The following NDUFV1 variants were observed in gnomAD, a reference collection of about 807,000 sequenced individuals.
NDUFV1 encodes the protein NADH:ubiquinone oxidoreductase core subunit V1.
Under a neutral mutation model 48.7 loss-of-function variants are expected in NDUFV1, and 41 were observed. That is an observed-to-expected ratio of 0.84 (90% confidence interval 0.66 to 1.09). The LOEUF (loss-of-function observed/expected upper bound fraction) is 1.09. Ranked by LOEUF, NDUFV1 falls within the 50% of genes least tolerant of loss-of-function variation. The pLI, the probability that NDUFV1 is intolerant of heterozygous loss-of-function variation, is 0.00. For missense variants in NDUFV1, 580 were observed against 645.4 expected, an observed-to-expected ratio of 0.90 and a Z score of 1.10; for synonymous variants, 231 against 259.1, an observed-to-expected ratio of 0.89 and a Z score of 1.04.
chr11:67,609,000 C>T (rs74344930), intron 3 of NDUFV1, among the ~76,000 whole-genome samples: 1 of 152,110 alleles, frequency 6.6e-6, no homozygotes, highest in Non-Finnish European at 1.5e-5. Context: ...CCTTTGTGAA[C>T]CTTAGCTTCC....
Position 67,612,337 on chromosome 11 carries a change from G to T in NDUFV1, c.1309-35G>T. On this transcript the variant is annotated intron_variant, in intron 9 of 9. Transcript: ENST00000322776. This position sits in a 1 kb window ranked among gnomAD's most constrained non-coding sequence, Gnocchi z 4.4. ...GGCCCAGGGTGTTGGGGGATTTTTG[G>T]ACTCTGTTTCACATGGTCCCCCCAC... The T allele has an allele frequency of 1.2e-6, 2 of 1,613,852 alleles. No homozygotes were observed. The highest frequency in any genetic ancestry group is 1.7e-6 in the Non-Finnish European group (2 of 1,179,904).
intron 4 of NDUFV1, chr11:67,609,994 C>G (rs892088188): frequency 2.8e-6 from 1 of 351,732 alleles, no homozygotes; most frequent in Non-Finnish European, 5.2e-6. Flanking sequence ...TTGCTTGGAA[C>G]TATGAATAAT....
In NDUFV1 at chr11:67,611,987, C is replaced by T. The variant is rs768808181; in HGVS notation, c.1162+9C>T. 4.8e-5 allele frequency: 77 copies of T among 1,613,740 alleles called. 1 individual carries two copies. The highest frequency in any genetic ancestry group is 8.9e-5 in the East Asian group (4 of 44,856). On this transcript the variant is annotated intron_variant, in intron 8 of 9. Transcript: ENST00000322776. This position sits in a 1 kb window ranked among gnomAD's most constrained non-coding sequence, Gnocchi z 4.2. ...TACCCCATGCCGTGAGGGTGAGCAT[C>T]GGGCAGGTTGGGGGCTTGCTTGCTG...
chr11:67,611,699 G>C lies in NDUFV1; in HGVS notation c.1080+130G>C. 1.4e-6 allele frequency: 2 copies of C among 1,443,544 alleles called. No individual in the cohort carries two copies. Among genetic ancestry groups the C allele is most frequent in the Non-Finnish European group, 1.9e-6 (2 of 1,057,786 alleles). 89.4% of individuals were successfully genotyped at this position (1,443,544 alleles called of 1,614,324 possible). On this transcript the variant is annotated intron_variant, in intron 7 of 9. Transcript: ENST00000322776. The surrounding 1 kb of genome is among the most constrained non-coding windows in gnomAD (Gnocchi z 4.2). ...CAGCCTGAGATAAAGCAAGGTGGAAGAGGAGGGAGGAAGGCTGCTCTGAGG... is the reference window on the plus strand; with the variant it reads ...CAGCCTGAGATAAAGCAAGGTGGAACAGGAGGGAGGAAGGCTGCTCTGAGG...
At position 67,610,310 on chromosome 11, in the gene NDUFV1, ATGACTCCTGAAGTTATAGGC is replaced by A. The variant is rs1249678279; in HGVS notation, c.511-61_511-42del. The A allele has an allele frequency of 1.1e-5, 18 of 1,583,052 alleles. No homozygotes were observed. In the Admixed American group the frequency reaches 2.8e-4, roughly 25 times the overall value. ...ACCGTGGGAGGCCTTCAAGGGCTTC[ATGACTCCTGAAGTTATAGGC>A]TGACTCCTGGGCTGGGGGTGGGCTG... On this transcript the variant is annotated intron_variant, in intron 4 of 9. Transcript: ENST00000322776.
rs774192636 is a variant in NDUFV1 at position 67,611,149 on chromosome 11, T to G, written c.855T>G (p.Pro285=). 3 of 1,614,038 alleles carry G rather than the reference T, an allele frequency of 1.9e-6. No homozygotes were observed. Among genetic ancestry groups the G allele is most frequent in the Admixed American group, 1.7e-5 (1 of 60,004 alleles). The stretch of plus-strand genomic sequence containing the variant: ...ACATCTCTGGCCATGTCAACCACCC[T>G]TGCACTGTGGAGGAGGAGATGTCTG... The part of the protein sequence containing the change: ...LFNISGHVNH[P]CTVEEEMSVP... Residue 285 remains proline (P), a synonymous_variant, in exon 6 of 10, where the codon CCT becomes CCG. Transcript: ENST00000322776. The surrounding 1 kb of genome is among the most constrained non-coding windows in gnomAD (Gnocchi z 4.2).
chr11:67,612,401 C>T lies in NDUFV1; in HGVS notation c.1338C>T (p.Leu446=), dbSNP rs745506829. Residue 446 remains leucine, a synonymous_variant, in exon 10 of 10, where the codon CTC becomes CTT. Transcript: ENST00000322776. The surrounding 1 kb of genome is among the most constrained non-coding windows in gnomAD (Gnocchi z 4.4). The part of the protein sequence containing the change: ...QGLIRHFRPE[L]EERMQRFAQQ... Reference sequence around the variant, plus strand: ...TGATCCGCCACTTTCGGCCGGAGCTCGAGGAGCGGATGCAGCGGTTTGCCC... The same window carrying T: ...TGATCCGCCACTTTCGGCCGGAGCTTGAGGAGCGGATGCAGCGGTTTGCCC... The T allele has an allele frequency of 1.3e-5, 21 of 1,612,796 alleles. No individual in the cohort carries two copies. The highest frequency in any genetic ancestry group is 3.3e-5 in the Admixed American group (2 of 60,012).
In NDUFV1 at chr11:67,611,359, A is replaced by T; in HGVS notation, c.914-44A>T. 1.9e-6 allele frequency: 3 copies of T among 1,609,038 alleles called. No individual in the cohort carries two copies. Among genetic ancestry groups the T allele is most frequent in the Non-Finnish European group, 2.5e-6 (3 of 1,177,800 alleles). ...AGGACTAGGCAGGTGTGCCGGCCCCAGCCCTGACCATGCATCCCTTTGGGG... is the reference window on the plus strand; with the variant it reads ...AGGACTAGGCAGGTGTGCCGGCCCCTGCCCTGACCATGCATCCCTTTGGGG... On this transcript the variant is annotated intron_variant, in intron 6 of 9. Transcript: ENST00000322776. This position sits in a 1 kb window ranked among gnomAD's most constrained non-coding sequence, Gnocchi z 4.2.
At chr11:67,610,128 G>T in intron 4 of NDUFV1, 1 of 556,330 alleles carries the variant, frequency 1.8e-6, no homozygotes, top group Non-Finnish European at 3.2e-6. Flanking sequence ...GGGTAGTTAG[G>T]AGACCTGATA....
Position 67,610,553 on chromosome 11 carries a change from C to A in NDUFV1, c.683C>A (p.Pro228His), listed in dbSNP as rs1036709921. The A allele has an allele frequency of 6.2e-7, 1 of 1,614,042 alleles. No individual in the cohort carries two copies. The change falls in exon 5 of 10, where the codon CCC becomes CAC. Residue 228 changes from proline (P) to histidine (H), a missense_variant. Coordinates refer to ENST00000322776, the MANE Select transcript of NDUFV1 (RefSeq NM_007103.4). ...CAGGGCAAGCCCCGCCTGAAGCCCCCCTTCCCCGCAGACGTGGGTAAGGCC... is the reference window on the plus strand; with the variant it reads ...CAGGGCAAGCCCCGCCTGAAGCCCCACTTCCCCGCAGACGTGGGTAAGGCC... ...GKQGKPRLKP[P>H]FPADVGVFGC...
In NDUFV1 at chr11:67,611,618, T is replaced by C; in HGVS notation, c.1080+49T>C. 1.3e-6 allele frequency: 2 copies of C among 1,577,810 alleles called. No individual in the cohort carries two copies. The highest frequency in any genetic ancestry group is 1.7e-6 in the Non-Finnish European group (2 of 1,161,798). On this transcript the variant is annotated intron_variant, in intron 7 of 9. Transcript: ENST00000322776. This position sits in a 1 kb window ranked among gnomAD's most constrained non-coding sequence, Gnocchi z 4.2. ...GGTCCCTGCCCTCCTGGTTGCTGTC[T>C]CCCTCCCTGGGCCTCCCAGAAAACC...
rs771200094 is a variant in NDUFV1 at position 67,611,899 on chromosome 11, G to A, written c.1083G>A (p.Thr361=). 9.3e-6 allele frequency: 15 copies of A among 1,614,028 alleles called. No homozygotes were observed. Among genetic ancestry groups the A allele is most frequent in the South Asian group, 6.6e-5 (6 of 91,070 alleles). ...GCTAATTGCCCCTCGTCACCCAGAC[G>A]GACATCGTGAAAGCCATCGCCCGCC... ...TAAVIVMDRS[T]DIVKAIARLI... The change falls in exon 8 of 10, where the codon ACG becomes ACA. Residue 361 remains threonine (T), a splice_region_variant and synonymous_variant. Transcript: ENST00000322776. The surrounding 1 kb of genome is among the most constrained non-coding windows in gnomAD (Gnocchi z 4.2).
chr11:67,612,347 C>T lies in NDUFV1; in HGVS notation c.1309-25C>T. The T allele has an allele frequency of 6.2e-7, 1 of 1,613,784 alleles. No individual in the cohort carries two copies. The highest frequency in any genetic ancestry group is 1.3e-5 in the African/African-American group (1 of 75,050). On this transcript the variant is annotated intron_variant, in intron 9 of 9. Coordinates refer to ENST00000322776, the MANE Select transcript of NDUFV1 (RefSeq NM_007103.4). The surrounding 1 kb of genome is among the most constrained non-coding windows in gnomAD (Gnocchi z 4.4). ...GTTGGGGGATTTTTGGACTCTGTTT[C>T]ACATGGTCCCCCCACCGACCCCAGG...
In NDUFV1 at chr11:67,609,639, G is replaced by T; in HGVS notation, c.510+4G>T. 1 of 1,602,214 alleles carries T rather than the reference G, an allele frequency of 6.2e-7. No individual in the cohort carries two copies. Among genetic ancestry groups the T allele is most frequent in the South Asian group, 1.1e-5 (1 of 91,078 alleles). ...CAATGAGGCCTCCAATCTGCAGGTG[G>T]GTAGGGAGAGATGTAGACAGATGAG... On this transcript the variant is annotated splice_donor_region_variant and intron_variant, in intron 4 of 9. Coordinates refer to ENST00000322776, the MANE Select transcript of NDUFV1 (RefSeq NM_007103.4).
intron 4 of NDUFV1, 129 bp from the exon 5 acceptor site, chr11:67,610,252 A>G (rs1299184409): frequency 3.6e-6 from 4 of 1,113,474 alleles, no homozygotes; most frequent in South Asian, 2.6e-5. Context: ...CTAAGCTAGC[A>G]AAATTTTTTA....
chr11:67,607,060 G>C lies in NDUFV1; in HGVS notation c.56G>C (p.Arg19Pro), dbSNP rs1064797158. 1.2e-6 allele frequency: 2 copies of C among 1,608,096 alleles called. No individual in the cohort carries two copies. Among genetic ancestry groups the C allele is most frequent in the Middle Eastern group, 1.7e-4 (1 of 6,042 alleles). The change falls in exon 1 of 10, where the codon CGT (arginine) becomes CCT (proline). Residue 19 changes from arginine to proline, a missense_variant. By Grantham distance (103) the Arg-to-Pro change is moderately radical. Transcript: ENST00000322776. ...GWSLPARVSV[R>P]FSGDTTAPKK... ...TCGCTTCCCGCGCGGGTATCTGTGC[G>C]TTTCAGCGGCGACACGGTGAGGCCC...
chr11:67,606,989 C>T lies in NDUFV1; in HGVS notation c.-16C>T, dbSNP rs1484181294. On this transcript the variant is annotated 5_prime_UTR_variant, in exon 1 of 10. Transcript: ENST00000322776. ...ATGAAGGTGACAGCGTGAGGTGACC[C>T]ATCTGGCCCGCCGCGATGCTGGCAA... 3.1e-6 allele frequency: 5 copies of T among 1,608,096 alleles called. No homozygotes were observed. The highest frequency in any genetic ancestry group is 1.1e-5 in the South Asian group (1 of 90,026).
chr11:67,611,412 C>A lies in NDUFV1; in HGVS notation c.923C>A (p.Thr308Lys), dbSNP rs200925993. 4 of 1,613,608 alleles carry A rather than the reference C, an allele frequency of 2.5e-6. No individual in the cohort carries two copies. In the African/African-American group the frequency reaches 5.3e-5, roughly 22 times the overall value. Residue 308 changes from threonine to lysine, a missense_variant, in exon 7 of 10, where the codon ACG becomes AAG. Thr to Lys is a moderately conservative substitution (Grantham distance 78). Transcript: ENST00000322776. The surrounding 1 kb of genome is among the most constrained non-coding windows in gnomAD (Gnocchi z 4.2). The part of the protein sequence containing the change: ...ELIEKHAGGV[T>K]GGWDNLLAVI... ...CGACTTGGGGCCCCAGGGGGTGTCACGGGCGGCTGGGACAACCTCCTTGCT... is the reference window on the plus strand; with the variant it reads ...CGACTTGGGGCCCCAGGGGGTGTCAAGGGCGGCTGGGACAACCTCCTTGCT...
At chr11:67,609,347 C>T in intron 3 of NDUFV1, 105 bp from the exon 4 acceptor site, 2 of 1,208,148 alleles carry the variant, frequency 1.7e-6, no homozygotes, top group Non-Finnish European at 1.2e-6. Context: ...GATTGGCTGT[C>T]AGAGGAGACA....
Sources: allele counts gnomAD v4.1 joint callset (sites outside exome capture counted in the v4.1 genomes callset), GRCh38; gene constraint gnomAD v4.1.1; non-coding constraint Gnocchi (gnomAD v3.1); transcripts MANE v1.5; gene names NCBI Gene and HGNC (gene_info 2026-07-23, HGNC 2026-07-21).